VPS26A: variants seen among roughly 807,000 people sequenced by gnomAD.
VPS26A encodes the protein VPS26 retromer complex component A.
Under a neutral mutation model 42.4 loss-of-function variants are expected in VPS26A, and 22 were observed. That is an observed-to-expected ratio of 0.52 (90% CI 0.37 to 0.74). The LOEUF is 0.74. Among genes scored for constraint, VPS26A ranks in the 30% least tolerant of loss-of-function variants. The probability of loss-of-function intolerance (pLI) is 0.00; values close to 1 mark genes in which losing one functional copy is unlikely to be tolerated. For missense variants in VPS26A, 276 were observed against 379.2 expected (o/e 0.73, Z 2.26); for synonymous variants, 110 against 123.5 (o/e 0.89, Z 0.73).
chr10:69,128,266 CTG>C (rs1285509781), intron 1 of VPS26A, among the ~76,000 whole-genome samples: 2 of 140,028 alleles, frequency 1.4e-5, no homozygotes, highest in East Asian at 4.2e-4. Context: ...GAATCTCACT[CTG>C]TCGCCCAGGC....
chr10:69,124,339 GC>G, intron 1 of VPS26A, 59 bp downstream of exon 1: 1 of 1,231,750 alleles, frequency 8.1e-7, no homozygotes, highest in Non-Finnish European at 1.0e-6. Flanking sequence ...CGCGCGGCGG[GC>G]CGGCCAACCG....
chr10:69,133,394 C>T (rs1273611335), intron 2 of VPS26A: 1 of 376,024 alleles, frequency 2.7e-6, no homozygotes, highest in African/African-American at 2.2e-5. Context: ...TGTAATTCAC[C>T]CAAAGTTTGT....
At chr10:69,166,478 G>A (rs989122349) in intron 7 of VPS26A, among the ~76,000 whole-genome samples, 1 of 152,146 alleles carries the variant, frequency 6.6e-6, no homozygotes, top group African/African-American at 2.4e-5. Context: ...GGTTTTTGGA[G>A]TCATTATAGC....
chr10:69,129,093 A>G (rs1411103304), intron 1 of VPS26A, among the ~76,000 whole-genome samples: 1 of 151,806 alleles, frequency 6.6e-6, no homozygotes, highest in Admixed American at 6.6e-5. Flanking sequence ...ATAAGGAAGG[A>G]GAGCTCATTC....
At chr10:69,167,324 G>A (rs1428054492) in intron 7 of VPS26A, among the ~76,000 whole-genome samples, 2 of 151,860 alleles carry the variant, frequency 1.3e-5, no homozygotes, top group East Asian at 3.9e-4. Flanking sequence ...CCAGCTACCT[G>A]GGAGGTGGGA....
chr10:69,130,703 T>G (rs1462565480), intron 1 of VPS26A, among the ~76,000 whole-genome samples: 1 of 152,230 alleles, frequency 6.6e-6, no homozygotes, highest in Admixed American at 6.5e-5. Context: ...TGTGCTTTCT[T>G]TCAGTCACTG....
intron 1 of VPS26A, among the ~76,000 whole-genome samples, chr10:69,131,829 T>G (rs1424674886): frequency 1.3e-5 from 2 of 152,234 alleles, no homozygotes; most frequent in African/African-American, 2.4e-5. Flanking sequence ...TTAAAAAGAT[T>G]AGAAGACTAA....
intron 2 of VPS26A, among the ~76,000 whole-genome samples, chr10:69,154,302 C>T (rs146032263): frequency 4.8e-4 from 73 of 152,008 alleles, no homozygotes; most frequent in African/African-American, 1.7e-3. Flanking sequence ...TTTGGGAGGC[C>T]GAGGTGGGTG....
At chr10:69,147,851 C>T (rs989716364) in intron 2 of VPS26A, among the ~76,000 whole-genome samples, 1 of 152,064 alleles carries the variant, frequency 6.6e-6, no homozygotes, top group Non-Finnish European at 1.5e-5. Flanking sequence ...TAGCTTGGAC[C>T]ACAGGCATGT....
At chr10:69,147,660 G>T (rs1468537553) in intron 2 of VPS26A, among the ~76,000 whole-genome samples, 1 of 152,176 alleles carries the variant, frequency 6.6e-6, no homozygotes, top group African/African-American at 2.4e-5. Context: ...TTGCTGAAAA[G>T]AATATTCCTT....
rs1031199349 is a variant in VPS26A at position 69,173,481 on chromosome 10, G to A, written c.*2212G>A. On this transcript the variant is annotated 3_prime_UTR_variant, in exon 9 of 9. Coordinates refer to ENST00000263559, the MANE Select transcript of VPS26A (RefSeq NM_004896.5). ...TACAAAAAAATTAACAATGAGCTGG[G>A]CATGGTGGCATGCACCTGTATTTCC... 1.3e-5 allele frequency among the ~76,000 whole-genome samples: 2 copies of A among 152,132 alleles called. No individual in the cohort carries two copies. Among genetic ancestry groups the A allele is most frequent in the South Asian group, 2.1e-4 (1 of 4,832 alleles).
chr10:69,166,783 T>C (rs1589365503), intron 7 of VPS26A, among the ~76,000 whole-genome samples: 1 of 152,204 alleles, frequency 6.6e-6, no homozygotes, highest in African/African-American at 2.4e-5. Context: ...TGTAAAATTA[T>C]GAGTTTTATA....
intron 5 of VPS26A, among the ~76,000 whole-genome samples, chr10:69,160,612 C>T (rs1309304781): frequency 1.3e-5 from 2 of 151,056 alleles, no homozygotes; most frequent in African/African-American, 2.4e-5. Flanking sequence ...CCACCACGCC[C>T]GGCTAATTTT....
At chr10:69,145,457 A>G (rs1297062620) in intron 2 of VPS26A, among the ~76,000 whole-genome samples, 4 of 152,102 alleles carry the variant, frequency 2.6e-5, no homozygotes, top group African/African-American at 9.7e-5. Context: ...ATACTAATGA[A>G]CCCAGGATGT....
At chr10:69,159,547 A>G (rs938409944) in intron 5 of VPS26A, among the ~76,000 whole-genome samples, 4 of 152,224 alleles carry the variant, frequency 2.6e-5, no homozygotes, top group African/African-American at 9.6e-5. Flanking sequence ...AGAGTCTGCA[A>G]TGATATTCTG....
chr10:69,157,077 A>G lies in VPS26A; in HGVS notation c.300A>G (p.Glu100=). 6.2e-7 allele frequency: 1 copy of G among 1,613,682 alleles called. No homozygotes were observed. Among genetic ancestry groups the G allele is most frequent in the East Asian group, 2.2e-5 (1 of 44,806 alleles). The change falls in exon 4 of 9, where the codon GAA becomes GAG. Residue 100 remains glutamate (E), a synonymous_variant. Coordinates refer to ENST00000263559, the MANE Select transcript of VPS26A (RefSeq NM_004896.5). ...TGAAAGAACTAGCCTTACCTGGAGA[A>G]CTGACTCAGAGCAGAAGTTATGATT... ...NLVKELALPG[E]LTQSRSYDFE...
chr10:69,168,932 GC>G (rs1331531638), intron 8 of VPS26A, among the ~76,000 whole-genome samples: 2 of 151,518 alleles, frequency 1.3e-5, no homozygotes, highest in African/African-American at 4.8e-5. Context: ...AAAAAATAAG[GC>G]AATAAAGAAC....
chr10:69,168,346 C>T, intron 7 of VPS26A, 143 bp from the exon 8 acceptor site: 1 of 917,256 alleles, frequency 1.1e-6, no homozygotes, highest in South Asian at 1.7e-5. Context: ...ATCAGTACTA[C>T]TGAGGATGAA....
At position 69,157,253 on chromosome 10, in the gene VPS26A, T is replaced by C. The variant is rs536986135; in HGVS notation, c.386+90T>C. On this transcript the variant is annotated intron_variant, in intron 4 of 8. Transcript: ENST00000263559. ...TCTTATTTGAACCTCTAATTATAATTCTGTATTGGAAGATTTAAGATTTTT... is the reference window on the plus strand; with the variant it reads ...TCTTATTTGAACCTCTAATTATAATCCTGTATTGGAAGATTTAAGATTTTT... 2.2e-4 allele frequency: 318 copies of C among 1,440,906 alleles called. 4 individuals are homozygous for C. In the South Asian group the frequency reaches 4.5e-3, roughly 20 times the overall value. The allele number at this position is 1,440,906 out of a possible 1,614,324, so 89.3% of individuals were successfully genotyped here.
Sources: gnomAD v4.1 joint callset for allele counts (sites outside exome capture counted in the v4.1 genomes callset) on GRCh38, gnomAD v4.1.1 for gene constraint, MANE v1.5 for transcripts, NCBI Gene and HGNC (gene_info 2026-07-23, HGNC 2026-07-21) for gene names.